Variants in ADCY2 observed in about 807,000 individuals in gnomAD.
The protein encoded by ADCY2 is adenylate cyclase type 2.
A neutral mutation model predicts 125.2 loss-of-function variants in ADCY2; 31 were observed. The observed-to-expected ratio is 0.25, with a 90% confidence interval of 0.19 to 0.33. The LOEUF (loss-of-function observed/expected upper bound fraction) is 0.33. Among genes scored for constraint, ADCY2 ranks in the 10% least tolerant of loss-of-function variants. The pLI, the probability that ADCY2 is intolerant of heterozygous loss-of-function variation, is 1.00. For synonymous variants in ADCY2, 512 were observed against 548.4 expected, an observed-to-expected ratio of 0.93 and a Z score of 0.93; for missense variants, 904 against 1,418.2, an observed-to-expected ratio of 0.64 and a Z score of 5.82.
At chr5:7,786,721 G>T (rs541185174) in intron 19 of ADCY2, among the ~76,000 whole-genome samples, 1 of 152,170 alleles carries the variant, frequency 6.6e-6, no homozygotes, top group African/African-American at 2.4e-5. Context: ...GCAGCACATT[G>T]AGGTGGGATA....
intron 3 of ADCY2, among the ~76,000 whole-genome samples, chr5:7,551,829 A>T (rs772702442): frequency 5.3e-5 from 8 of 152,204 alleles, no homozygotes; most frequent in Non-Finnish European, 1.0e-4. Context: ...TAACTGGTTG[A>T]AAAAGATTTG....
chr5:7,573,593 CTT>C (rs763347773), intron 3 of ADCY2, among the ~76,000 whole-genome samples: 112 of 86,350 alleles, frequency 1.3e-3, no homozygotes, highest in African/African-American at 4.4e-3. Context: ...GGTTGATTTT[CTT>C]TTTTTTTTTT....
intron 3 of ADCY2, among the ~76,000 whole-genome samples, chr5:7,541,831 A>G (rs1017712671): frequency 1.3e-5 from 2 of 152,240 alleles, no homozygotes; most frequent in Non-Finnish European, 1.5e-5. Flanking sequence ...GAAGATTAGA[A>G]CAAAAATAAT....
At chr5:7,626,085 G>T in intron 3 of ADCY2, 82 bp from the exon 4 acceptor site, 1 of 1,452,948 alleles carries the variant, frequency 6.9e-7, no homozygotes, top group Non-Finnish European at 9.3e-7. Flanking sequence ...TCTGAAGACT[G>T]TTGCTAATGT....
chr5:7,425,130 G>A (rs549225009), intron 2 of ADCY2, among the ~76,000 whole-genome samples: 1 of 152,304 alleles, frequency 6.6e-6, no homozygotes, highest in Non-Finnish European at 1.5e-5. Context: ...AGCTCTCAGG[G>A]CATCTGGAAG....
intron 2 of ADCY2, among the ~76,000 whole-genome samples, chr5:7,490,962 T>C (rs1367057520): frequency 6.6e-6 from 1 of 152,088 alleles, no homozygotes; most frequent in Admixed American, 6.5e-5. Context: ...GACATAAACT[T>C]GAGGGAAAGG....
At chr5:7,718,999 A>G (rs1367589253) in intron 12 of ADCY2, among the ~76,000 whole-genome samples, 3 of 152,178 alleles carry the variant, frequency 2.0e-5, no homozygotes, top group Non-Finnish European at 4.4e-5. Context: ...AATAATAATA[A>G]TAATAACATT....
intron 18 of ADCY2, among the ~76,000 whole-genome samples, chr5:7,775,549 C>T (rs1234364014): frequency 6.6e-6 from 1 of 151,398 alleles, no homozygotes; most frequent in Non-Finnish European, 1.5e-5. Flanking sequence ...CGCCACCATG[C>T]CTGGCTGATT....
At chr5:7,606,588 G>A (rs773040771) in intron 3 of ADCY2, among the ~76,000 whole-genome samples, 20 of 152,094 alleles carry the variant, frequency 1.3e-4, no homozygotes, top group Non-Finnish European at 2.6e-4. Flanking sequence ...GCACATTCTT[G>A]CAGGCTCTGA....
chr5:7,548,136 G>T (rs959749322), intron 3 of ADCY2, among the ~76,000 whole-genome samples: 8 of 152,128 alleles, frequency 5.3e-5, no homozygotes, highest in African/African-American at 1.9e-4. Flanking sequence ...GTATAGGGCC[G>T]AATTAAACAA....
At chr5:7,653,662 A>G (rs1377395648) in intron 4 of ADCY2, among the ~76,000 whole-genome samples, 2 of 152,146 alleles carry the variant, frequency 1.3e-5, no homozygotes, top group African/African-American at 4.8e-5. Context: ...AGCTTAGAAA[A>G]TATTAGGTAG....
At position 7,818,760 on chromosome 5, in the gene ADCY2, C is replaced by T. The variant is rs190098021; in HGVS notation, c.2998+1780C>T. Among the ~76,000 whole-genome samples, 318 of 148,706 alleles carry T rather than the reference C, an allele frequency of 2.1e-3. 5 individuals are homozygous for T. The highest frequency in any genetic ancestry group is 7.5e-3 in the African/African-American group (303 of 40,500). Reference sequence around the variant, plus strand: ...ATGAGATGACCACACCAAACATGGGCGTGTCCCTTTGACCCCAGAGACTCT... The same window carrying T: ...ATGAGATGACCACACCAAACATGGGTGTGTCCCTTTGACCCCAGAGACTCT... On this transcript the variant is annotated intron_variant, in intron 23 of 24. Coordinates refer to ENST00000338316, the MANE Select transcript of ADCY2 (RefSeq NM_020546.3).
intron 15 of ADCY2, among the ~76,000 whole-genome samples, chr5:7,745,321 T>C (rs1341688695): frequency 6.6e-6 from 1 of 152,252 alleles, no homozygotes; most frequent in Non-Finnish European, 1.5e-5. Flanking sequence ...CTGTGCCTTA[T>C]ACCTTTGCAA....
chr5:7,452,132 C>T (rs1012906381), intron 2 of ADCY2, among the ~76,000 whole-genome samples: 11 of 152,082 alleles, frequency 7.2e-5, no homozygotes, highest in Admixed American at 2.0e-4. Context: ...AGGCTGGTCT[C>T]GAACTCCTGA....
At chr5:7,697,455 G>A (rs926469924) in intron 6 of ADCY2, among the ~76,000 whole-genome samples, 2 of 152,076 alleles carry the variant, frequency 1.3e-5, no homozygotes, top group Non-Finnish European at 2.9e-5. Context: ...ACTATGTAAA[G>A]CACATAACCT....
intron 2 of ADCY2, among the ~76,000 whole-genome samples, chr5:7,492,958 G>A (rs1282094968): frequency 2.6e-5 from 4 of 152,070 alleles, no homozygotes; most frequent in South Asian, 2.1e-4. Flanking sequence ...GTGAGGGCCC[G>A]GGCTGCATCC....
In ADCY2 at chr5:7,396,191, G is replaced by T; in HGVS notation, c.-106G>T. 1.8e-6 allele frequency: 1 copy of T among 565,458 alleles called. No individual in the cohort carries two copies. The highest frequency in any genetic ancestry group is 2.2e-6 in the Non-Finnish European group (1 of 450,800). The allele number at this position is 565,458 out of a possible 1,614,324, so 35.0% of individuals were successfully genotyped here. The stretch of plus-strand genomic sequence containing the variant: ...GCCCCTGCGCGCAGCTCCGGGTGCC[G>T]GCAGCCGGGCCGGCCGAGGCGGCGC... On this transcript the variant is annotated 5_prime_UTR_variant, in exon 1 of 25. Transcript: ENST00000338316. This position sits in a 1 kb window ranked among gnomAD's most constrained non-coding sequence, Gnocchi z 5.7.
At chr5:7,559,352 G>A (rs1275404930) in intron 3 of ADCY2, among the ~76,000 whole-genome samples, 1 of 152,040 alleles carries the variant, frequency 6.6e-6, no homozygotes, top group African/African-American at 2.4e-5. Context: ...TGATTTCTTT[G>A]AGCAGTATTT....
intron 2 of ADCY2, among the ~76,000 whole-genome samples, chr5:7,466,123 G>C (rs1314819136): frequency 6.6e-6 from 1 of 152,012 alleles, no homozygotes; most frequent in East Asian, 1.9e-4. Context: ...CTTTATTACT[G>C]CTGCTATGAT....
Sources: gnomAD v4.1 joint callset for allele counts (sites outside exome capture counted in the v4.1 genomes callset) on GRCh38, gnomAD v4.1.1 for gene constraint, Gnocchi (gnomAD v3.1) non-coding constraint, MANE v1.5 for transcripts, NCBI Gene and HGNC (gene_info 2026-07-23, HGNC 2026-07-21) for gene names.